FKBP9: variants seen among roughly 807,000 people sequenced by gnomAD.
FKBP9 encodes the protein peptidyl-prolyl cis-trans isomerase FKBP9.
A neutral mutation model predicts 55.6 loss-of-function variants in FKBP9; 27 were observed. The ratio of observed to expected loss-of-function variants is 0.49; its 90% confidence interval spans 0.36 to 0.67. FKBP9 has a LOEUF of 0.67. Ranked by LOEUF, FKBP9 falls within the 30% of genes least tolerant of loss-of-function variation. The pLI is 0.00. For missense variants in FKBP9, 539 were observed against 742.8 expected (o/e 0.73, Z 3.19); for synonymous variants, 267 against 296.5 (o/e 0.90, Z 1.02).
In FKBP9 at chr7:32,957,758, T is replaced by C. The variant is rs937200530; in HGVS notation, c.185T>C (p.Val62Ala). ...RSGDFVRYHY[V>A]GTFPDGQKFD... is the part of the protein sequence containing the mutation. ...GGCGACTTCGTGCGCTACCACTACG[T>C]GGGGACGTTCCCCGACGGCCAGAAG... The change falls in exon 1 of 10, where the codon GTG becomes GCG. Residue 62 changes from valine (V) to alanine (A), a missense_variant. Val to Ala is a moderately conservative substitution (Grantham distance 64). Coordinates refer to ENST00000242209, the MANE Select transcript of FKBP9 (RefSeq NM_007270.5). The C allele has an allele frequency of 6.7e-7, 1 of 1,492,186 alleles. No homozygotes were observed. Among genetic ancestry groups the C allele is most frequent in the Middle Eastern group, 1.8e-4 (1 of 5,664 alleles). The allele number at this position is 1,492,186 out of a possible 1,614,324, so 92.4% of individuals were successfully genotyped here. A position where few individuals can be genotyped will look rare whatever the true frequency, so the allele number is the denominator to read the frequency against.
At chr7:32,996,477 G>C (rs1407703154) in intron 7 of FKBP9, 128 bp downstream of exon 7, 2 of 643,514 alleles carry the variant, frequency 3.1e-6, no homozygotes, top group African/African-American at 3.7e-5. Flanking sequence ...TGCATAGCTC[G>C]TGGCTGCATC....
intron 1 of FKBP9, among the ~76,000 whole-genome samples, chr7:32,960,108 CTTTTTTT>C (rs398004304): frequency 2.0e-5 from 2 of 98,628 alleles, no homozygotes; most frequent in Non-Finnish European, 3.8e-5. Context: ...TTGTACTTGT[CTTTTTTT>C]TTTTTTTTTT....
intron 9 of FKBP9, among the ~76,000 whole-genome samples, chr7:33,003,389 T>G (rs1784969822): frequency 6.6e-6 from 1 of 152,212 alleles, no homozygotes; most frequent in African/African-American, 2.4e-5. Flanking sequence ...CATCAGCCCT[T>G]CTGGATCTTT....
rs376558399 is a variant in FKBP9, at chr7:32,965,884, T to TAGAG, written c.221+8105_221+8108dup. The stretch of plus-strand genomic sequence containing the variant: ...ATATATATACATACATATATATATA[T>TAGAG]AGAGAGAGAGAGAGAGAGCCATGGG... On this transcript the variant is annotated intron_variant, in intron 1 of 9. Coordinates refer to ENST00000242209, the MANE Select transcript of FKBP9 (RefSeq NM_007270.5). Among the ~76,000 whole-genome samples the TAGAG allele has an allele frequency of 7.2e-4, 79 of 110,374 alleles. 1 individual carries two copies. Among genetic ancestry groups the TAGAG allele is most frequent in the East Asian group, 4.0e-3 (16 of 4,020 alleles). The allele number at this position is 110,374 out of a possible 152,430, so 72.4% of individuals were successfully genotyped here.
intron 5 of FKBP9, among the ~76,000 whole-genome samples, chr7:32,986,247 C>A (rs1784573189): frequency 6.6e-6 from 1 of 152,226 alleles, no homozygotes; most frequent in East Asian, 1.9e-4. Context: ...TGTCTGCTAT[C>A]TCCCCTCTGC....
intron 1 of FKBP9, among the ~76,000 whole-genome samples, chr7:32,965,297 A>AT (rs1234837140): frequency 6.6e-6 from 1 of 151,698 alleles, no homozygotes; most frequent in Non-Finnish European, 1.5e-5. Context: ...CACCTGGCTA[A>AT]TTTTTGTATT....
At chr7:32,991,665 G>C (rs993518381) in intron 6 of FKBP9, among the ~76,000 whole-genome samples, 4 of 151,910 alleles carry the variant, frequency 2.6e-5, no homozygotes, top group Non-Finnish European at 4.4e-5. Context: ...GGAGGGGAAA[G>C]GGTAGGCCTC....
intron 5 of FKBP9, 23 bp downstream of exon 5, chr7:32,980,576 C>A (rs764177765): frequency 4.3e-6 from 7 of 1,610,984 alleles, no homozygotes. Flanking sequence ...TTAAAGTCTT[C>A]AATTGCCAGA....
chr7:32,988,813 G>A, intron 6 of FKBP9, 161 bp downstream of exon 6: 4 of 678,622 alleles, frequency 5.9e-6, no homozygotes, highest in Non-Finnish European at 9.6e-6. Flanking sequence ...ACTATGGCCT[G>A]GAACTCTTGG....
chr7:32,983,758 T>C (rs1429204791), intron 5 of FKBP9, among the ~76,000 whole-genome samples: 1 of 152,246 alleles, frequency 6.6e-6, no homozygotes, highest in African/African-American at 2.4e-5. Context: ...TTGGCTAATT[T>C]ATAGGAGAAA....
At chr7:32,991,904 G>A (rs2127986772) in intron 6 of FKBP9, among the ~76,000 whole-genome samples, 1 of 152,034 alleles carries the variant, frequency 6.6e-6, no homozygotes, top group Non-Finnish European at 1.5e-5. Context: ...TACCCACTGT[G>A]TGTCTGGGAC....
intron 8 of FKBP9, chr7:33,002,160 G>A (rs1186258482): frequency 2.0e-5 from 3 of 152,044 alleles, no homozygotes; most frequent in African/African-American, 7.3e-5. Flanking sequence ...TTGAGATGGA[G>A]TCTCACTCGG....
intron 5 of FKBP9, among the ~76,000 whole-genome samples, chr7:32,980,935 C>G (rs1478043860): frequency 1.3e-5 from 2 of 151,040 alleles, no homozygotes; most frequent in Non-Finnish European, 2.9e-5. Flanking sequence ...GCTTAAGTTT[C>G]TTCATAGGCT....
In FKBP9 at chr7:32,998,806, CAGGGGG is replaced by C. The variant is rs1251686498; in HGVS notation, c.1227-1306_1227-1301del. On this transcript the variant is annotated intron_variant, in intron 7 of 9. Transcript: ENST00000242209. ...GCGGTGGATGGGGCCAGGAAGCATG[CAGGGGG>C]AGTGAGGACCGTGTTTGAGAGAAAC... 9.9e-5 allele frequency among the ~76,000 whole-genome samples: 15 copies of C among 152,098 alleles called. No individual in the cohort carries two copies. In the South Asian group the frequency reaches 2.3e-3, roughly 23 times the overall value.
intron 1 of FKBP9, among the ~76,000 whole-genome samples, chr7:32,959,044 C>T (rs2127974520): frequency 6.6e-6 from 1 of 151,904 alleles, no homozygotes; most frequent in Middle Eastern, 3.4e-3. Flanking sequence ...AGCTGTTCAG[C>T]ATAGTATGTG....
intron 1 of FKBP9, among the ~76,000 whole-genome samples, chr7:32,959,995 G>A (rs1286564861): frequency 6.6e-6 from 1 of 151,552 alleles, no homozygotes; most frequent in Non-Finnish European, 1.5e-5. Context: ...TGTTATAAAC[G>A]TTTTGAAGAA....
At chr7:32,984,271 C>G (rs1010780907) in intron 5 of FKBP9, among the ~76,000 whole-genome samples, 8 of 149,194 alleles carry the variant, frequency 5.4e-5, no homozygotes, top group African/African-American at 2.1e-4. Context: ...TCTCACTCTG[C>G]TGCCCAGGCT....
At chr7:32,967,569 T>A (rs925048168) in intron 1 of FKBP9, among the ~76,000 whole-genome samples, 2 of 152,234 alleles carry the variant, frequency 1.3e-5, no homozygotes, top group African/African-American at 4.8e-5. Context: ...TTTCCTTCCT[T>A]TTTAAGGCGG....
rs570208564 is a variant in FKBP9 at position 33,006,836 on chromosome 7, A to C, written c.*1485A>C. 6 of 194,650 alleles carry C rather than the reference A, an allele frequency of 3.1e-5. No homozygotes were observed. Among genetic ancestry groups the C allele is most frequent in the African/African-American group, 1.4e-4 (6 of 43,270 alleles). The allele number at this position is 194,650 out of a possible 1,614,324, so 12.1% of individuals were successfully genotyped here. A position where few individuals can be genotyped will look rare whatever the true frequency, so the allele number is the denominator to read the frequency against. On this transcript the variant is annotated 3_prime_UTR_variant, in exon 10 of 10. Coordinates refer to ENST00000242209, the MANE Select transcript of FKBP9 (RefSeq NM_007270.5). The stretch of plus-strand genomic sequence containing the variant: ...AATTTAAACTATTTTGTACTGATGT[A>C]GCCCTGAGGTAGTTCATGAAAATGC...
Sources: allele counts gnomAD v4.1 joint callset (sites outside exome capture counted in the v4.1 genomes callset), GRCh38; gene constraint gnomAD v4.1.1; transcripts MANE v1.5; gene names NCBI Gene and HGNC (gene_info 2026-07-23, HGNC 2026-07-21).